Variants in ACTR3C observed in about 807,000 individuals in gnomAD.
ACTR3C encodes actin-related protein 3C.
ACTR3C carries 18 observed loss-of-function variants against 26.3 expected under a neutral mutation model. That is an observed-to-expected ratio of 0.68 (90% CI 0.47 to 1.01). The LOEUF is 1.01. Among genes scored for constraint, ACTR3C ranks in the 50% least tolerant of loss-of-function variants. The pLI is 0.00. For missense variants in ACTR3C, 184 were observed against 250.7 expected, an observed-to-expected ratio of 0.73 and a Z score of 1.80; for synonymous variants, 55 against 94.5, an observed-to-expected ratio of 0.58 and a Z score of 2.42.
chr7:150,228,847 A>G, the ACTR3C span, among the ~76,000 whole-genome samples: 1 of 149,242 alleles, frequency 6.7e-6, no homozygotes, highest in South Asian at 2.1e-4. Flanking sequence ...AAATTTATGT[A>G]TAATACTATA....
chr7:150,263,804 T>G (rs1833829708), intron 6 of ACTR3C, among the ~76,000 whole-genome samples: 1 of 152,256 alleles, frequency 6.6e-6, no homozygotes. Context: ...ATTTGAATGT[T>G]TTAAATGCAT....
At chr7:150,127,678 C>A in the ACTR3C span, among the ~76,000 whole-genome samples, 1,456 of 152,056 alleles carry the variant, frequency 9.6e-3, 12 homozygotes, top group Non-Finnish European at 0.013. Context: ...TGTTTTTTTT[C>A]TTTCCACACT....
At chr7:149,961,964 G>A in the ACTR3C span, among the ~76,000 whole-genome samples, 1 of 147,192 alleles carries the variant, frequency 6.8e-6, no homozygotes, top group South Asian at 2.1e-4. Flanking sequence ...CACAGGAAGT[G>A]TTCACTCACA....
At chr7:150,075,620 A>G in the ACTR3C span, among the ~76,000 whole-genome samples, 41 of 152,304 alleles carry the variant, frequency 2.7e-4, no homozygotes, top group African/African-American at 9.9e-4. Flanking sequence ...CTCCTCCCCT[A>G]AAAATCAGGC....
chr7:150,095,251 C>T, the ACTR3C span, among the ~76,000 whole-genome samples: 1,800 of 149,458 alleles, frequency 0.012, 152 homozygotes, highest in African/African-American at 0.044. Flanking sequence ...CGGGGTCTGA[C>T]CACAAGGACA....
At chr7:149,927,050 T>C in the ACTR3C span, among the ~76,000 whole-genome samples, 1 of 148,266 alleles carries the variant, frequency 6.7e-6, no homozygotes, top group African/African-American at 2.5e-5. Context: ...CCTCCAGAAC[T>C]ATGAGCCAAA....
chr7:150,020,131 C>G, the ACTR3C span, among the ~76,000 whole-genome samples: 1 of 152,082 alleles, frequency 6.6e-6, no homozygotes, highest in Non-Finnish European at 1.5e-5. Context: ...CATTTTAAAT[C>G]ACCTTAGTCA....
chr7:149,892,639 T>C, the ACTR3C span, among the ~76,000 whole-genome samples: 2 of 111,436 alleles, frequency 1.8e-5, no homozygotes, highest in Non-Finnish European at 2.1e-5. Context: ...TCTACTTTTA[T>C]ACTGACAGAA....
chr7:150,226,304 G>A, the ACTR3C span, among the ~76,000 whole-genome samples: 1 of 151,982 alleles, frequency 6.6e-6, no homozygotes, highest in African/African-American at 2.4e-5. Context: ...GTGTCATTTC[G>A]CATTCCCATA....
At chr7:150,142,745 T>C in the ACTR3C span, among the ~76,000 whole-genome samples, 3 of 152,124 alleles carry the variant, frequency 2.0e-5, no homozygotes, top group Non-Finnish European at 4.4e-5. Context: ...GCCAGGCTGG[T>C]CTTGAACTCC....
the ACTR3C span, among the ~76,000 whole-genome samples, chr7:150,093,844 C>T: frequency 0.026 from 3,881 of 150,912 alleles, 444 homozygotes; most frequent in African/African-American, 0.092. Flanking sequence ...AAGATTTCCT[C>T]ACCTATATGT....
the ACTR3C span, among the ~76,000 whole-genome samples, chr7:150,198,752 T>A: frequency 1.0e-5 from 1 of 96,080 alleles, no homozygotes; most frequent in African/African-American, 4.1e-5. Flanking sequence ...GGGAGGGAGG[T>A]GGGGGGGGGT....
At chr7:150,206,514 A>G in the ACTR3C span, among the ~76,000 whole-genome samples, 1 of 152,144 alleles carries the variant, frequency 6.6e-6, no homozygotes, top group Non-Finnish European at 1.5e-5. Flanking sequence ...CCCGGGGTCA[A>G]GCGATTCCCT....
chr7:150,048,592 GAGGC>G, the ACTR3C span, among the ~76,000 whole-genome samples: 1 of 151,784 alleles, frequency 6.6e-6, no homozygotes, highest in Admixed American at 6.6e-5. Context: ...TGCGGAGGTC[GAGGC>G]AGGCAGGCCG....
At chr7:150,137,376 A>G in the ACTR3C span, among the ~76,000 whole-genome samples, 13 of 152,180 alleles carry the variant, frequency 8.5e-5, no homozygotes, top group African/African-American at 2.9e-4. Flanking sequence ...GAAATCATCT[A>G]CACTAAAGCC....
the ACTR3C span, among the ~76,000 whole-genome samples, chr7:150,039,498 C>G: frequency 7.1e-4 from 50 of 70,424 alleles, no homozygotes; most frequent in African/African-American, 1.2e-3. Context: ...GCTCTCAGTC[C>G]CCACTCTCGT....
At chr7:150,298,851 T>TA (rs1405681262) in intron 1 of ACTR3C, among the ~76,000 whole-genome samples, 4 of 151,358 alleles carry the variant, frequency 2.6e-5, no homozygotes, top group Non-Finnish European at 4.4e-5. Flanking sequence ...TGGAACAATT[T>TA]AAAAAAATGA....
the ACTR3C span, among the ~76,000 whole-genome samples, chr7:150,210,378 C>G: frequency 6.6e-6 from 1 of 150,476 alleles, no homozygotes; most frequent in South Asian, 2.1e-4. Context: ...GGTATTTACC[C>G]TACCTAAGTG....
chr7:150,071,318 G>T, the ACTR3C span, among the ~76,000 whole-genome samples: 5 of 148,656 alleles, frequency 3.4e-5, no homozygotes, highest in Admixed American at 2.0e-4. Flanking sequence ...TAGAGACGGG[G>T]TTTCACCATG....
Sources: allele counts gnomAD v4.1 joint callset (sites outside exome capture counted in the v4.1 genomes callset), GRCh38; gene constraint gnomAD v4.1.1; transcripts MANE v1.5; gene names NCBI Gene and HGNC (gene_info 2026-07-23, HGNC 2026-07-21).